ABCB1: variants seen among roughly 807,000 people sequenced by gnomAD.
The protein encoded by ABCB1 is ATP-dependent translocase ABCB1.
A neutral mutation model predicts 142.0 loss-of-function variants in ABCB1; 69 were observed. That is an observed-to-expected ratio of 0.49 (90% CI 0.40 to 0.59). The LOEUF (loss-of-function observed/expected upper bound fraction) is 0.59. ABCB1 is among the 20% of genes least tolerant of loss of function. ABCB1 has a pLI of 0.00. For synonymous variants in ABCB1, 532 were observed against 539.2 expected, an observed-to-expected ratio of 0.99 and a Z score of 0.18; for missense variants, 1,326 against 1,554.7, an observed-to-expected ratio of 0.85 and a Z score of 2.47.
chr7:87,577,836 T>C (rs1818337747), intron 4 of ABCB1, among the ~76,000 whole-genome samples: 1 of 152,220 alleles, frequency 6.6e-6, no homozygotes, highest in Admixed American at 6.5e-5. Context: ...GTCAGATGGA[T>C]AGCTTGCAAA....
chr7:87,553,762 G>C lies in ABCB1; in HGVS notation c.998C>G (p.Thr333Ser). 6.2e-7 allele frequency: 1 copy of C among 1,613,372 alleles called. No homozygotes were observed. Among genetic ancestry groups the C allele is most frequent in the South Asian group, 1.1e-5 (1 of 91,072 alleles). Reference sequence around the variant, plus strand: ...CATTTCTCAATGTAAACCACTTACAGTGAGTACTTGTCCAATAGAATATTC... The same window carrying C: ...CATTTCTCAATGTAAACCACTTACACTGAGTACTTGTCCAATAGAATATTC... The part of the protein sequence containing the change: ...SGEYSIGQVL[T>S]VFFSVLIGAF... Residue 333 changes from threonine to serine, a missense_variant and splice_region_variant, in exon 9 of 28, where the codon ACT (threonine) becomes AGT (serine). Coordinates refer to ENST00000622132, the MANE Select transcript of ABCB1 (RefSeq NM_001348946.2).
chr7:87,689,101 G>C (rs1417606845), intron 1 of ABCB1, among the ~76,000 whole-genome samples: 1 of 151,970 alleles, frequency 6.6e-6, no homozygotes, highest in Non-Finnish European at 1.5e-5. Context: ...GGCTTCTGGG[G>C]AAGGGGGATT....
At position 87,561,495 on chromosome 7, in the gene ABCB1, TA is replaced by T. The variant is rs531438597; in HGVS notation, c.703-109del. The T allele has an allele frequency of 1.1e-3, 1,187 of 1,128,458 alleles. 3 individuals carry two copies. The highest frequency in any genetic ancestry group is 1.4e-3 in the Non-Finnish European group (1,091 of 792,258). 69.9% of individuals were successfully genotyped at this position (1,128,458 alleles called of 1,614,324 possible). On this transcript the variant is annotated intron_variant, in intron 7 of 27. Coordinates refer to ENST00000622132, the MANE Select transcript of ABCB1 (RefSeq NM_001348946.2). ...TGCTGCTTATACATTAATGCATGTG[TA>T]GAGCAAAATCTGTCTTTTACTTGCC...
chr7:87,569,207 C>T (rs1388426118), intron 5 of ABCB1, among the ~76,000 whole-genome samples: 5 of 151,824 alleles, frequency 3.3e-5, no homozygotes, highest in Non-Finnish European at 7.4e-5. Context: ...GTGACACACG[C>T]CTGTAATCCC....
chr7:87,644,119 A>G (rs1822740103), intron 1 of ABCB1, among the ~76,000 whole-genome samples: 1 of 152,208 alleles, frequency 6.6e-6, no homozygotes, highest in African/African-American at 2.4e-5. Flanking sequence ...TTGGCCTCCC[A>G]AAGTGTTGGG....
In ABCB1 at chr7:87,550,330, A is replaced by G. The variant is rs28381896; in HGVS notation, c.1225-34T>C. Reference sequence around the variant, plus strand: ...ACGAGTGAGAAAAAAACTTCAAGGCAATTCACAGACACAGGATATAGGAAC... The same window carrying G: ...ACGAGTGAGAAAAAAACTTCAAGGCGATTCACAGACACAGGATATAGGAAC... On this transcript the variant is annotated intron_variant, in intron 11 of 27. Transcript: ENST00000622132. The G allele has an allele frequency of 4.4e-3, 7,125 of 1,613,968 alleles. 40 individuals are homozygous for G. Among genetic ancestry groups the G allele is most frequent in the Middle Eastern group, 0.022 (133 of 5,986 alleles).
At chr7:87,506,193 G>T in intron 26 of ABCB1, 150 bp from the exon 27 acceptor site, 1 of 773,166 alleles carries the variant, frequency 1.3e-6, no homozygotes, top group Non-Finnish European at 2.1e-6. Flanking sequence ...GGAAAGAACA[G>T]TAAAAAAGCC....
chr7:87,509,253 G>A (rs2117066748), intron 26 of ABCB1, 22 bp downstream of exon 26: 1 of 1,612,892 alleles, frequency 6.2e-7, no homozygotes, highest in Non-Finnish European at 8.5e-7. Flanking sequence ...CTCCCAGGCT[G>A]TTTATTTGAA....
chr7:87,507,417 A>G (rs1467825600), intron 26 of ABCB1, among the ~76,000 whole-genome samples: 1 of 152,170 alleles, frequency 6.6e-6, no homozygotes, highest in Admixed American at 6.5e-5. Context: ...TGCAGTCCTA[A>G]CAGGTTCCCA....
At chr7:87,704,775 G>A (rs1829440143) in intron 1 of ABCB1, among the ~76,000 whole-genome samples, 1 of 152,192 alleles carries the variant, frequency 6.6e-6, no homozygotes, top group Admixed American at 6.5e-5. Flanking sequence ...GCTGGGAAGA[G>A]TCTGTGGAGA....
chr7:87,650,783 C>A, intron 1 of ABCB1: 2 of 1,258,482 alleles, frequency 1.6e-6, no homozygotes, highest in South Asian at 1.2e-5. Context: ...GGGAATGAAT[C>A]AACTCTGCCT....
chr7:87,649,137 A>G (rs945244827), intron 1 of ABCB1, among the ~76,000 whole-genome samples: 13 of 152,126 alleles, frequency 8.5e-5, no homozygotes, highest in Non-Finnish European at 1.5e-4. Flanking sequence ...ATAGGATATT[A>G]CTATAAAGAG....
chr7:87,597,176 C>T (rs1819242788), intron 2 of ABCB1, among the ~76,000 whole-genome samples: 1 of 151,980 alleles, frequency 6.6e-6, no homozygotes, highest in Non-Finnish European at 1.5e-5. Flanking sequence ...GGTGCAACCT[C>T]AGATTTCTGA....
intron 4 of ABCB1, among the ~76,000 whole-genome samples, chr7:87,579,374 TA>T (rs1274989712): frequency 6.6e-6 from 1 of 152,210 alleles, no homozygotes; most frequent in Non-Finnish European, 1.5e-5. Context: ...ATGTGGCTTT[TA>T]TTTTGTTTAT....
chr7:87,521,147 C>T (rs772542227), intron 21 of ABCB1: 63 of 439,728 alleles, frequency 1.4e-4, no homozygotes, highest in Non-Finnish European at 2.1e-4. Flanking sequence ...CACAGCTTTA[C>T]GTGGCTTCGC....
At position 87,546,024 on chromosome 7, in the gene ABCB1, C is replaced by G. The variant is rs1423665718; in HGVS notation, c.1726G>C (p.Ala576Pro). The G allele has an allele frequency of 6.2e-7, 1 of 1,613,930 alleles. No individual in the cohort carries two copies. The highest frequency in any genetic ancestry group is 1.1e-5 in the South Asian group (1 of 91,068). ...ACAATGGTGGTCCGACCTTTTCTGG[C>G]CTAAAGAGAGAGAAATTTGGTTTTT... The part of the protein sequence containing the change: ...EAVVQVALDK[A>P]RKGRTTIVIA... The change falls in exon 15 of 28, where the codon GCC becomes CCC. Residue 576 changes from alanine to proline, a missense_variant and splice_region_variant. Ala to Pro is a conservative substitution (Grantham distance 27). Coordinates refer to ENST00000622132, the MANE Select transcript of ABCB1 (RefSeq NM_001348946.2).
Position 87,512,236 on chromosome 7 carries a change from T to G in ABCB1, c.3283-2755A>C, listed in dbSNP as rs140608714. Among the ~76,000 whole-genome samples, 5 of 152,172 alleles carry G rather than the reference T, an allele frequency of 3.3e-5. No homozygotes were observed. In the East Asian group the frequency reaches 5.8e-4, roughly 18 times the overall value. ...TTGAATCCCTACAATTGTATAACCT[T>G]CAGGTCCCTCAAAACTTGGAGGATC... On this transcript the variant is annotated intron_variant, in intron 25 of 27. Transcript: ENST00000622132.
At chr7:87,608,609 A>G (rs1819742528) in intron 1 of ABCB1, among the ~76,000 whole-genome samples, 1 of 152,154 alleles carries the variant, frequency 6.6e-6, no homozygotes, top group Non-Finnish European at 1.5e-5. Context: ...AAATAACAAT[A>G]TTACCCGAAA....
chr7:87,539,074 C>T (rs1239693630), intron 19 of ABCB1, among the ~76,000 whole-genome samples, 194 bp downstream of exon 19: 1 of 152,188 alleles, frequency 6.6e-6, no homozygotes, highest in Non-Finnish European at 1.5e-5. Flanking sequence ...TCCTTGTGCC[C>T]ACCCAGACCT....
Sources: allele counts gnomAD v4.1 joint callset (sites outside exome capture counted in the v4.1 genomes callset), GRCh38; gene constraint gnomAD v4.1.1; transcripts MANE v1.5; gene names NCBI Gene and HGNC (gene_info 2026-07-23, HGNC 2026-07-21).